The following TRIM9 variants were observed in gnomAD, a reference collection of about 807,000 sequenced individuals.
The protein encoded by TRIM9 is E3 ubiquitin-protein ligase TRIM9.
In TRIM9, 26 loss-of-function variants were observed where a neutral mutation model predicts 78.3. The observed-to-expected ratio is 0.33, with a 90% CI of 0.24 to 0.46. The LOEUF is 0.46. Among genes scored for constraint, TRIM9 ranks in the 20% least tolerant of loss-of-function variants. TRIM9 has a pLI of 1.00. For missense variants in TRIM9, 787 were observed against 1,036.4 expected, an observed-to-expected ratio of 0.76 and a Z score of 3.30; for synonymous variants, 398 against 416.5, an observed-to-expected ratio of 0.96 and a Z score of 0.54.
chr14:51,011,507 A>G (rs12892749), intron 3 of TRIM9, among the ~76,000 whole-genome samples: 10,555 of 152,176 alleles, frequency 0.069, 560 homozygotes, highest in East Asian at 0.16. Context: ...CGTAAAATTG[A>G]AGAAGGGTTT....
intron 4 of TRIM9, among the ~76,000 whole-genome samples, chr14:51,009,623 T>C (rs2056308371): frequency 6.6e-6 from 1 of 152,228 alleles, no homozygotes; most frequent in Non-Finnish European, 1.5e-5. Context: ...GGGTATCCTA[T>C]AAAGACTTGG....
intron 1 of TRIM9, among the ~76,000 whole-genome samples, chr14:51,042,347 T>G (rs374114307): frequency 6.6e-6 from 1 of 152,152 alleles, no homozygotes; most frequent in Non-Finnish European, 1.5e-5. Flanking sequence ...TCCTCTTCCT[T>G]CCTCCTCTCA....
chr14:51,034,265 T>C (rs1174109381), intron 1 of TRIM9, among the ~76,000 whole-genome samples: 1 of 152,216 alleles, frequency 6.6e-6, no homozygotes, highest in Non-Finnish European at 1.5e-5. Flanking sequence ...TAGCACTCTA[T>C]GTGCCAGGAC....
chr14:51,022,698 G>A, intron 3 of TRIM9, 137 bp downstream of exon 3: 1 of 1,351,006 alleles, frequency 7.4e-7, no homozygotes, highest in Non-Finnish European at 1.0e-6. Flanking sequence ...GTTCCTTTCT[G>A]GCCAGACCAC....
intron 5 of TRIM9, among the ~76,000 whole-genome samples, chr14:51,002,429 C>T (rs902869389): frequency 6.6e-6 from 1 of 152,072 alleles, no homozygotes; most frequent in African/African-American, 2.4e-5. Flanking sequence ...CCACCGTGCC[C>T]GGCTGGGAAC....
intron 1 of TRIM9, among the ~76,000 whole-genome samples, chr14:51,067,021 T>C (rs1017565524): frequency 1.3e-5 from 2 of 152,224 alleles, no homozygotes; most frequent in African/African-American, 2.4e-5. Context: ...GACTTCTAAA[T>C]TTATCACCCA....
intron 1 of TRIM9, among the ~76,000 whole-genome samples, chr14:51,040,845 C>T (rs181057831): frequency 6.6e-6 from 1 of 152,206 alleles, no homozygotes; most frequent in Non-Finnish European, 1.5e-5. Flanking sequence ...CCGCTTACTA[C>T]CACTGCTTCA....
At position 51,010,502 on chromosome 14, in the gene TRIM9, TA is replaced by T. The variant is rs113787131; in HGVS notation, c.1042-9del. On this transcript the variant is annotated splice_polypyrimidine_tract_variant and intron_variant, in intron 3 of 12. Coordinates refer to ENST00000684578, the MANE Select transcript of TRIM9 (RefSeq NM_001387360.1). ...GATCTGATCTCGAACCACCTAGGAT[TA>T]AAAAAAAAACAACAGAACAGTCCAA... The T allele has an allele frequency of 1.4e-3, 1,980 of 1,441,408 alleles. No individual in the cohort carries two copies. The highest frequency in any genetic ancestry group is 2.3e-3 in the Admixed American group (117 of 51,544). The allele number at this position is 1,441,408 out of a possible 1,614,324, so 89.3% of individuals were successfully genotyped here.
At chr14:51,064,746 A>G (rs897747523) in intron 1 of TRIM9, among the ~76,000 whole-genome samples, 9 of 152,078 alleles carry the variant, frequency 5.9e-5, no homozygotes, top group African/African-American at 2.2e-4. Context: ...GAAATCAACA[A>G]CAGCCTAGAT....
At position 50,985,986 on chromosome 14, in the gene TRIM9, G is replaced by A; in HGVS notation, c.1762C>T (p.His588Tyr). ...GCATTGAGAGACTGTAAAGAGGAAT[G>A]CAAGCTCAGCTGGTGGGGTGAGGAT... The part of the protein sequence containing the change: ...FRSSPHQLSL[H>Y]SSLQSLNAPG... The change falls in exon 8 of 13, where the codon CAT becomes TAT. Residue 588 changes from histidine to tyrosine, a missense_variant. His to Tyr is a moderately conservative substitution (Grantham distance 83). Coordinates refer to ENST00000684578, the MANE Select transcript of TRIM9 (RefSeq NM_001387360.1). 1 of 1,546,920 alleles carries A rather than the reference G, an allele frequency of 6.5e-7. No individual in the cohort carries two copies. The highest frequency in any genetic ancestry group is 8.7e-7 in the Non-Finnish European group (1 of 1,145,110).
intron 7 of TRIM9, 105 bp downstream of exon 7, chr14:50,997,945 A>G (rs2054436471): frequency 3.2e-6 from 5 of 1,547,910 alleles, no homozygotes; most frequent in Admixed American, 1.9e-5. Flanking sequence ...CAAGTCATGG[A>G]AACACTTCAG....
chr14:51,053,596 T>TTTTTTTTTTTTTTTTTTTTTTTTA (rs2060637244), intron 1 of TRIM9, among the ~76,000 whole-genome samples: 1 of 56,458 alleles, frequency 1.8e-5, no homozygotes, highest in Non-Finnish European at 4.1e-5. Context: ...TTTTTTTTAA[T>TTTTTTTTTTTTTTTTTTTTTTTTA]TTTTTTTTTT....
intron 1 of TRIM9, among the ~76,000 whole-genome samples, chr14:51,042,189 C>T (rs377709080): frequency 2.6e-5 from 4 of 152,184 alleles, no homozygotes; most frequent in South Asian, 2.1e-4. Context: ...TTTTCAAAGC[C>T]GTTGCAAGTA....
intron 1 of TRIM9, among the ~76,000 whole-genome samples, chr14:51,038,596 C>T (rs1191392912): frequency 6.6e-6 from 1 of 152,178 alleles, no homozygotes; most frequent in African/African-American, 2.4e-5. Context: ...ATCTGGCCCA[C>T]TACAACAATG....
chr14:51,041,804 TAA>T (rs71770893), intron 1 of TRIM9, among the ~76,000 whole-genome samples: 11,671 of 152,320 alleles, frequency 0.077, 564 homozygotes, highest in Middle Eastern at 0.12. Flanking sequence ...AATATGATGT[TAA>T]GTGTTTCAAA....
chr14:51,070,216 T>C (rs2140227151), intron 1 of TRIM9, among the ~76,000 whole-genome samples: 1 of 152,342 alleles, frequency 6.6e-6, no homozygotes, highest in East Asian at 1.9e-4. Flanking sequence ...AATACATTCA[T>C]TAGATAAGCA....
chr14:51,082,877 T>C (rs12100459), intron 1 of TRIM9, among the ~76,000 whole-genome samples: 4,400 of 152,266 alleles, frequency 0.029, 156 homozygotes, highest in African/African-American at 0.082. Context: ...TGTGCAGTAA[T>C]GGCAGGTATA....
intron 1 of TRIM9, among the ~76,000 whole-genome samples, chr14:51,083,347 G>C (rs1205398254): frequency 6.6e-6 from 1 of 152,102 alleles, no homozygotes. Flanking sequence ...GAACTCCTGG[G>C]CTCAAGTGAC....
chr14:51,071,582 C>T (rs374921511), intron 1 of TRIM9, among the ~76,000 whole-genome samples: 2 of 151,360 alleles, frequency 1.3e-5, no homozygotes, highest in African/African-American at 2.4e-5. Flanking sequence ...GTAGGATGAT[C>T]GCTTGAGCTC....
Sources: gnomAD v4.1 joint callset for allele counts (sites outside exome capture counted in the v4.1 genomes callset) on GRCh38, gnomAD v4.1.1 for gene constraint, MANE v1.5 for transcripts, NCBI Gene and HGNC (gene_info 2026-07-23, HGNC 2026-07-21) for gene names.